ACYP2: variants seen among roughly 807,000 people sequenced by gnomAD.
ACYP2 encodes acylphosphatase-2.
A neutral mutation model predicts 11.2 loss-of-function variants in ACYP2; 12 were observed. The observed-to-expected ratio is 1.08, with a 90% CI of 0.69 to 1.74. The LOEUF (loss-of-function observed/expected upper bound fraction) is 1.74. Among genes scored for constraint, ACYP2 ranks in the 40% most tolerant of loss-of-function variants. The probability of loss-of-function intolerance (pLI) is 0.00; values close to 1 mark genes in which losing one functional copy is unlikely to be tolerated. For synonymous variants in ACYP2, 43 were observed against 32.2 expected (o/e 1.33, Z -1.13); for missense variants, 134 against 101.9 (o/e 1.31, Z -1.35).
chr2:54,112,496 C>T (rs7561836), intron 4 of ACYP2, among the ~76,000 whole-genome samples: 36,305 of 152,030 alleles, frequency 0.24, 4,938 homozygotes, highest in African/African-American at 0.37. Context: ...TTTGATATTC[C>T]AACTTCAATT....
chr2:54,273,197 T>A (rs894453867), intron 6 of ACYP2, among the ~76,000 whole-genome samples: 1 of 152,220 alleles, frequency 6.6e-6, no homozygotes, highest in African/African-American at 2.4e-5. Flanking sequence ...AATGACAAAC[T>A]ATGGTGCACA....
At chr2:54,194,564 A>T (rs1229497988) in intron 6 of ACYP2, among the ~76,000 whole-genome samples, 1 of 152,094 alleles carries the variant, frequency 6.6e-6, no homozygotes, top group Non-Finnish European at 1.5e-5. Context: ...TTATATAATA[A>T]TATATTATAT....
At chr2:54,205,228 T>C (rs1304642889) in intron 6 of ACYP2, among the ~76,000 whole-genome samples, 1 of 152,132 alleles carries the variant, frequency 6.6e-6, no homozygotes, top group Non-Finnish European at 1.5e-5. Context: ...GAGGCCATGG[T>C]GGATATTGCC....
intron 2 of ACYP2, among the ~76,000 whole-genome samples, chr2:53,998,940 AG>A (rs2104525748): frequency 6.6e-6 from 1 of 152,246 alleles, no homozygotes; most frequent in East Asian, 1.9e-4. Context: ...GGAAGAGACT[AG>A]AGTCATGTGG....
intron 6 of ACYP2, among the ~76,000 whole-genome samples, chr2:54,158,609 T>C (rs1682550557): frequency 6.6e-6 from 1 of 152,202 alleles, no homozygotes; most frequent in Non-Finnish European, 1.5e-5. Flanking sequence ...TATGTGCTAT[T>C]CCCCATATTT....
At chr2:54,061,942 C>T (rs1159739182) in intron 4 of ACYP2, among the ~76,000 whole-genome samples, 1 of 152,162 alleles carries the variant, frequency 6.6e-6, no homozygotes, top group East Asian at 1.9e-4. Flanking sequence ...GCGCAGATTA[C>T]AGATGTGAAC....
chr2:54,266,443 A>G (rs1688020972), intron 6 of ACYP2, among the ~76,000 whole-genome samples: 1 of 152,050 alleles, frequency 6.6e-6, no homozygotes, highest in African/African-American at 2.4e-5. Flanking sequence ...TTGTTTTAGC[A>G]AATTACATCC....
intron 6 of ACYP2, among the ~76,000 whole-genome samples, chr2:54,176,900 T>C (rs144138516): frequency 1.2e-4 from 18 of 152,290 alleles, no homozygotes; most frequent in African/African-American, 4.3e-4. Context: ...GGCCAAGGTC[T>C]CTGTTGCAAC....
chr2:54,040,961 G>A (rs1332579741), intron 2 of ACYP2, among the ~76,000 whole-genome samples: 1 of 152,220 alleles, frequency 6.6e-6, no homozygotes, highest in African/African-American at 2.4e-5. Flanking sequence ...AGATCCAGGG[G>A]AAAGGGATGA....
intron 4 of ACYP2, among the ~76,000 whole-genome samples, chr2:54,110,727 C>T (rs576457704): frequency 6.6e-5 from 10 of 151,938 alleles, no homozygotes; most frequent in Non-Finnish European, 1.3e-4. Context: ...GCTTTTTTCC[C>T]TCCCACCGTG....
At chr2:54,072,977 A>G (rs1677144875) in intron 4 of ACYP2, among the ~76,000 whole-genome samples, 2 of 152,184 alleles carry the variant, frequency 1.3e-5, no homozygotes, top group Admixed American at 6.5e-5. Flanking sequence ...ACACTTCCTA[A>G]TTTCAAGACT....
intron 2 of ACYP2, among the ~76,000 whole-genome samples, chr2:53,982,680 T>C (rs1671825721): frequency 6.6e-6 from 1 of 152,220 alleles, no homozygotes; most frequent in Non-Finnish European, 1.5e-5. Flanking sequence ...TCTCTAACCT[T>C]TGACTCTTGC....
intron 4 of ACYP2, among the ~76,000 whole-genome samples, chr2:54,076,290 T>C (rs1016975732): frequency 1.3e-5 from 2 of 152,230 alleles, no homozygotes; most frequent in African/African-American, 4.8e-5. Context: ...CTTATCTGCA[T>C]TGTATTTAAA....
chr2:54,110,306 T>C lies in ACYP2; in HGVS notation c.278-25147T>C, dbSNP rs543128083. ...CAAATATTATATCATAGTACCCTTATGTATTTCAGTACATGCCTCTAACAG... is the reference window on the plus strand; with the variant it reads ...CAAATATTATATCATAGTACCCTTACGTATTTCAGTACATGCCTCTAACAG... On this transcript the variant is annotated intron_variant, in intron 4 of 6. Coordinates refer to ENST00000607452, the MANE Select transcript of ACYP2 (RefSeq NM_001320586.2). Among the ~76,000 whole-genome samples the C allele has an allele frequency of 2.9e-3, 435 of 152,306 alleles. 1 individual carries two copies. The highest frequency in any genetic ancestry group is 4.5e-3 in the Non-Finnish European group (305 of 68,018).
Position 54,289,552 on chromosome 2 carries a change from T to C in ACYP2, c.405-15136T>C, listed in dbSNP as rs577597229. Among the ~76,000 whole-genome samples, 3 of 152,176 alleles carry C rather than the reference T, an allele frequency of 2.0e-5. No homozygotes were observed. In the South Asian group the frequency reaches 6.2e-4, roughly 32 times the overall value. ...TCTATATTTTTGTTAAAAGTTGGCA[T>C]ATGAGTACAAAAAGGAAAACGTTTT... is the stretch of plus-strand genomic sequence containing the variant. On this transcript the variant is annotated intron_variant, in intron 6 of 6. Transcript: ENST00000607452.
At chr2:53,974,674 A>G (rs1195955178) in intron 2 of ACYP2, among the ~76,000 whole-genome samples, 1 of 152,208 alleles carries the variant, frequency 6.6e-6, no homozygotes, top group Non-Finnish European at 1.5e-5. Flanking sequence ...AGTATATACT[A>G]GTGACATACT....
chr2:53,972,936 C>G (rs1671245905), intron 1 of ACYP2, among the ~76,000 whole-genome samples: 1 of 151,986 alleles, frequency 6.6e-6, no homozygotes, highest in Non-Finnish European at 1.5e-5. Context: ...TGCAGATTAG[C>G]GTGTAGATGG....
intron 4 of ACYP2, among the ~76,000 whole-genome samples, chr2:54,076,940 CG>C (rs1188624204): frequency 6.6e-6 from 1 of 152,174 alleles, no homozygotes; most frequent in African/African-American, 2.4e-5. Flanking sequence ...AATCCTGAAT[CG>C]GGTTTTCAGG....
chr2:54,086,378 G>A (rs1266497307), intron 4 of ACYP2, among the ~76,000 whole-genome samples: 1 of 152,190 alleles, frequency 6.6e-6, no homozygotes, highest in African/African-American at 2.4e-5. Context: ...GGCAGGCAGG[G>A]GAGAGTGAGC....
Sources: gnomAD v4.1 joint callset for allele counts (sites outside exome capture counted in the v4.1 genomes callset) on GRCh38, gnomAD v4.1.1 for gene constraint, MANE v1.5 for transcripts, NCBI Gene and HGNC (gene_info 2026-07-23, HGNC 2026-07-21) for gene names.